RYR1: variants seen among roughly 807,000 people sequenced by gnomAD.
The protein encoded by RYR1 is central core disease of muscle.
Under a neutral mutation model 583.5 loss-of-function variants are expected in RYR1, and 342 were observed. The observed-to-expected ratio is 0.59, with a 90% confidence interval of 0.54 to 0.64. The LOEUF is 0.64. Among genes scored for constraint, RYR1 ranks in the 30% least tolerant of loss-of-function variants. The probability of loss-of-function intolerance (pLI) is 0.00; values close to 1 mark genes in which losing one functional copy is unlikely to be tolerated. For missense variants in RYR1, 6,032 were observed against 6,917.2 expected (o/e 0.87, Z 4.54); for synonymous variants, 2,791 against 2,822.5 (o/e 0.99, Z 0.35).
At position 38,561,471 on chromosome 19, in the gene RYR1, G is replaced by T; in HGVS notation, c.12624+17G>T. The T allele has an allele frequency of 6.3e-7, 1 of 1,599,298 alleles. No individual in the cohort carries two copies. On this transcript the variant is annotated intron_variant, in intron 90 of 105. Coordinates refer to ENST00000359596, the MANE Select transcript of RYR1 (RefSeq NM_000540.3). This position sits in a 1 kb window ranked among gnomAD's most constrained non-coding sequence, Gnocchi z 4.8. The stretch of plus-strand genomic sequence containing the variant: ...ATGCCCCAGGTCAGGGAACCCGCGC[G>T]CGTGCAAGCTCGCCTCCTGGGGCTT...
At chr19:38,463,938 CTG>C (rs1225410110) in intron 22 of RYR1, 88 bp downstream of exon 22, 20 of 991,896 alleles carry the variant, frequency 2.0e-5, no homozygotes, top group Non-Finnish European at 2.9e-5. Context: ...GAGGTAGAGA[CTG>C]AGAGAGAGAA....
chr19:38,459,129 T>G lies in RYR1; in HGVS notation c.2168-17T>G. 1.2e-6 allele frequency: 2 copies of G among 1,611,028 alleles called. No homozygotes were observed. The highest frequency in any genetic ancestry group is 1.7e-6 in the Non-Finnish European group (2 of 1,178,678). On this transcript the variant is annotated splice_polypyrimidine_tract_variant and intron_variant, in intron 18 of 105. Transcript: ENST00000359596. ...TGGGACCTGTGACGTCTGACCCATC[T>G]CTGGTGACTGATGCAGGACACGTGG...
rs958008121 is a variant in RYR1 at position 38,561,822 on chromosome 19, C to G, written c.12624+368C>G. Among the ~76,000 whole-genome samples, 3 of 152,090 alleles carry G rather than the reference C, an allele frequency of 2.0e-5. No homozygotes were observed. Among genetic ancestry groups the G allele is most frequent in the African/African-American group, 7.2e-5 (3 of 41,424 alleles). On this transcript the variant is annotated intron_variant, in intron 90 of 105. Transcript: ENST00000359596. This position sits in a 1 kb window ranked among gnomAD's most constrained non-coding sequence, Gnocchi z 4.8. ...AGCCCTACCCACACTCTCACCTCCT[C>G]GAACCTGCATGGCGACACACCCCTT...
intron 39 of RYR1, among the ~76,000 whole-genome samples, chr19:38,494,935 C>T (rs1600803638): frequency 1.3e-5 from 2 of 150,978 alleles, no homozygotes; most frequent in Admixed American, 1.3e-4. Flanking sequence ...TCACTGCAAC[C>T]TCCGCCTCCC....
chr19:38,478,006 T>C, intron 30 of RYR1, 136 bp downstream of exon 30: 1 of 842,290 alleles, frequency 1.2e-6, no homozygotes, highest in Non-Finnish European at 1.9e-6. Flanking sequence ...TCTGGGGCAC[T>C]GGGCACCCAG....
chr19:38,483,011 T>G lies in RYR1; in HGVS notation c.4621-16T>G. ...GCCCACCCGTTTGCTCACCTCGTCC[T>G]CTTCTCCTCTGCCAGGTGGAACCCA... On this transcript the variant is annotated splice_polypyrimidine_tract_variant and intron_variant, in intron 31 of 105. Transcript: ENST00000359596. The surrounding 1 kb of genome is among the most constrained non-coding windows in gnomAD (Gnocchi z 6.3). The G allele has an allele frequency of 6.2e-7, 1 of 1,612,388 alleles. No homozygotes were observed. The highest frequency in any genetic ancestry group is 8.5e-7 in the Non-Finnish European group (1 of 1,178,444).
In RYR1 at chr19:38,586,595, G is replaced by A. The variant is rs755546979; in HGVS notation, c.15021+19G>A. On this transcript the variant is annotated intron_variant, in intron 105 of 105. Coordinates refer to ENST00000359596, the MANE Select transcript of RYR1 (RefSeq NM_000540.3). ...GGGTCAGGTAAGGGGGTGTTAATGGGAGGACAGTGGGCAGGACGTGGAGCC... is the reference window on the plus strand; with the variant it reads ...GGGTCAGGTAAGGGGGTGTTAATGGAAGGACAGTGGGCAGGACGTGGAGCC... The A allele has an allele frequency of 1.3e-5, 21 of 1,612,560 alleles. No homozygotes were observed. In the South Asian group the frequency reaches 2.2e-4, roughly 17 times the overall value.
intron 39 of RYR1, among the ~76,000 whole-genome samples, 167 bp downstream of exon 39, chr19:38,494,792 G>A (rs754327935): frequency 2.1e-4 from 31 of 150,134 alleles, no homozygotes; most frequent in South Asian, 4.2e-4. Context: ...TTACCTCTCC[G>A]CCCTCAGTGG....
chr19:38,561,468 C>G lies in RYR1; in HGVS notation c.12624+14C>G, dbSNP rs75797287. 5 of 1,600,356 alleles carry G rather than the reference C, an allele frequency of 3.1e-6. No individual in the cohort carries two copies. The African/African-American group carries it at 6.7e-5, about 21-fold the overall frequency. The stretch of plus-strand genomic sequence containing the variant: ...GAGATGCCCCAGGTCAGGGAACCCG[C>G]GCGCGTGCAAGCTCGCCTCCTGGGG... On this transcript the variant is annotated intron_variant, in intron 90 of 105. Transcript: ENST00000359596. The surrounding 1 kb of genome is among the most constrained non-coding windows in gnomAD (Gnocchi z 4.8).
rs773428360 is a variant in RYR1, at chr19:38,561,241, C to G, written c.12411C>G (p.Asp4137Glu). Residue 4137 changes from aspartate (D) to glutamate (E), a missense_variant, in exon 90 of 106, where the codon GAC becomes GAG. Physicochemically the swap from Asp to Glu is conservative, Grantham distance 45. This residue lies in a region of RYR1 where 753 missense variants were observed against 759.6 expected (regional missense o/e 0.99). Transcript: ENST00000359596. The surrounding 1 kb of genome is among the most constrained non-coding windows in gnomAD (Gnocchi z 4.8). ...ACCGCTTCCAGGAGCCAGCACGCGA[C>G]ATCGGCTTCAACGTGGCGGTGCTGC... ...FANRFQEPAR[D>E]IGFNVAVLLT... is the part of the protein sequence containing the mutation. 3.1e-6 allele frequency: 5 copies of G among 1,614,138 alleles called. No homozygotes were observed. The highest frequency in any genetic ancestry group is 4.2e-6 in the Non-Finnish European group (5 of 1,180,046).
At chr19:38,475,672 T>C (rs1600737664) in intron 29 of RYR1, among the ~76,000 whole-genome samples, 1 of 152,102 alleles carries the variant, frequency 6.6e-6, no homozygotes, top group Admixed American at 6.6e-5. Flanking sequence ...ACAGTAGAGG[T>C]GTACAGCACA....
rs373011150 is a variant in RYR1 at position 38,433,896 on chromosome 19, G to T, written c.45+22G>T. 6.9e-5 allele frequency: 111 copies of T among 1,607,550 alleles called. No individual in the cohort carries two copies. The African/African-American group carries it at 1.1e-3, about 16-fold the overall frequency. On this transcript the variant is annotated intron_variant, in intron 1 of 105. Coordinates refer to ENST00000359596, the MANE Select transcript of RYR1 (RefSeq NM_000540.3). ...GACGGTGCGTATCTCTGGGTTAGGG[G>T]CCTGTGGGGCTATCTCTTGGGGCTC...
chr19:38,521,883 A>AT (rs1356446755), intron 67 of RYR1, among the ~76,000 whole-genome samples: 19 of 150,854 alleles, frequency 1.3e-4, no homozygotes, highest in Admixed American at 1.3e-3. Flanking sequence ...ATTTTTTTGT[A>AT]TTTTTTAGTA....
chr19:38,563,467 G>A lies in RYR1; in HGVS notation c.12625-1492G>A, dbSNP rs140576564. On this transcript the variant is annotated intron_variant, in intron 90 of 105. Coordinates refer to ENST00000359596, the MANE Select transcript of RYR1 (RefSeq NM_000540.3). ...TTCAGTAGAGGCGGGGTTTTGCCAT[G>A]TTGGCAAGGCTGGTCTTGAACTCCT... 5.4e-3 allele frequency among the ~76,000 whole-genome samples: 823 copies of A among 152,292 alleles called. 5 individuals are homozygous for A. The highest frequency in any genetic ancestry group is 0.019 in the African/African-American group (791 of 41,558).
intron 27 of RYR1, among the ~76,000 whole-genome samples, chr19:38,472,111 T>G (rs1015581322): frequency 9.9e-5 from 15 of 152,016 alleles, no homozygotes; most frequent in Admixed American, 1.3e-4. Flanking sequence ...TTGGTTTTTG[T>G]TTTTTGAGAC....
At chr19:38,524,007 C>T (rs1433777984) in intron 70 of RYR1, 78 bp downstream of exon 70, 2 of 1,541,068 alleles carry the variant, frequency 1.3e-6, no homozygotes, top group African/African-American at 1.4e-5. Context: ...GCCCCCGCCT[C>T]GAGAAAACCC....
intron 83 of RYR1, 43 bp from the exon 84 acceptor site, chr19:38,537,837 G>A (rs200864857): frequency 9.6e-5 from 150 of 1,569,626 alleles, no homozygotes; most frequent in South Asian, 8.7e-4. Context: ...GTGTCTTGGC[G>A]CATCTGACCC....
At chr19:38,457,045 C>CAAAAAAAAA (rs35088425) in intron 16 of RYR1, among the ~76,000 whole-genome samples, 1 of 19,588 alleles carries the variant, frequency 5.1e-5, no homozygotes, top group Non-Finnish European at 8.7e-5. Flanking sequence ...GACTCCATCT[C>CAAAAAAAAA]CAAAAAAAAA....
intron 1 of RYR1, among the ~76,000 whole-genome samples, chr19:38,440,147 C>A (rs1439127566): frequency 6.6e-6 from 1 of 152,128 alleles, no homozygotes; most frequent in Non-Finnish European, 1.5e-5. Context: ...TGGGGATAAG[C>A]CAGGCACAAC....
Sources: allele counts gnomAD v4.1 joint callset (sites outside exome capture counted in the v4.1 genomes callset), GRCh38; gene constraint gnomAD v4.1.1; regional missense constraint gnomAD v4.1.1; non-coding constraint Gnocchi (gnomAD v3.1); transcripts MANE v1.5; gene names NCBI Gene and HGNC (gene_info 2026-07-23, HGNC 2026-07-21).